SYNPO2: variants seen among roughly 807,000 people sequenced by gnomAD.
SYNPO2 encodes synaptopodin-2.
Under a neutral mutation model 85.0 loss-of-function variants are expected in SYNPO2, and 56 were observed. That is an observed-to-expected ratio of 0.66 (90% CI 0.53 to 0.82). The LOEUF is 0.82. SYNPO2 is among the 40% of genes least tolerant of loss of function. The pLI is 0.00. For synonymous variants in SYNPO2, 602 were observed against 591.1 expected (o/e 1.02, Z -0.27); for missense variants, 1,575 against 1,534.2 (o/e 1.03, Z -0.44).
rs372391790 is a variant in SYNPO2 at position 119,044,114 on chromosome 4, T to G, written c.3252+12087T>G. Among the ~76,000 whole-genome samples, 19 of 152,314 alleles carry G rather than the reference T, an allele frequency of 1.2e-4. No homozygotes were observed. In the South Asian group the frequency reaches 3.7e-3, roughly 30 times the overall value. On this transcript the variant is annotated intron_variant, in intron 4 of 4. Transcript: ENST00000307142. ...AGTGATTAATGACAGACTACAACTA[T>G]ATCTGGAATTAGTGTTTTCAATGGA...
At chr4:119,012,318 G>A (rs192592896) in intron 1 of SYNPO2, among the ~76,000 whole-genome samples, 44 of 151,024 alleles carry the variant, frequency 2.9e-4, no homozygotes, top group Admixed American at 2.6e-3. Context: ...AGCCTGAATT[G>A]GTTGTTGGTT....
intron 1 of SYNPO2, among the ~76,000 whole-genome samples, chr4:118,948,036 T>G (rs1734564241): frequency 6.6e-6 from 1 of 152,172 alleles, no homozygotes; most frequent in South Asian, 2.1e-4. Flanking sequence ...TTTGGTTAGT[T>G]AATTTGGTTA....
chr4:118,968,442 C>T (rs1488527275), intron 1 of SYNPO2, among the ~76,000 whole-genome samples: 1 of 152,144 alleles, frequency 6.6e-6, no homozygotes, highest in Non-Finnish European at 1.5e-5. Flanking sequence ...TCAGCCACTC[C>T]TGAGCTCCAG....
At chr4:118,871,578 T>TTC (rs1273477317) in intron 1 of SYNPO2, among the ~76,000 whole-genome samples, 1 of 151,364 alleles carries the variant, frequency 6.6e-6, no homozygotes, top group East Asian at 1.9e-4. Context: ...ACAATTTTTT[T>TTC]TTTTTTTTGA....
At chr4:118,999,080 G>A (rs568055341) in intron 1 of SYNPO2, among the ~76,000 whole-genome samples, 18 of 152,316 alleles carry the variant, frequency 1.2e-4, no homozygotes, top group Admixed American at 9.2e-4. Context: ...GGGTTATTGT[G>A]AGGATTAGAG....
Position 118,880,169 on chromosome 4 carries a change from A to G in SYNPO2, c.12+29229A>G, listed in dbSNP as rs372193009. Among the ~76,000 whole-genome samples, 356 of 152,348 alleles carry G rather than the reference A, an allele frequency of 2.3e-3. 2 individuals are homozygous for G. The highest frequency in any genetic ancestry group is 7.5e-3 in the African/African-American group (311 of 41,574). ...CTGGCTACTTGCTCGGAATAAGAAG[A>G]AGGAGAAAATCTGAAGGACCAACAA... is the stretch of plus-strand genomic sequence containing the variant. On this transcript the variant is annotated intron_variant, in intron 1 of 4. Coordinates refer to the SYNPO2 transcript ENST00000610556.
intron 1 of SYNPO2, among the ~76,000 whole-genome samples, chr4:118,967,094 T>C (rs1735343297): frequency 6.6e-6 from 1 of 152,170 alleles, no homozygotes; most frequent in South Asian, 2.1e-4. Context: ...AACAACCTTA[T>C]AACACAGGAG....
chr4:118,868,833 G>A lies in SYNPO2; in HGVS notation c.12+17893G>A, dbSNP rs1731748627. 2.0e-5 allele frequency among the ~76,000 whole-genome samples: 3 copies of A among 152,158 alleles called. No individual in the cohort carries two copies. The South Asian group carries it at 6.2e-4, about 32-fold the overall frequency. On this transcript the variant is annotated intron_variant, in intron 1 of 4. Transcript: ENST00000610556. ...AAAACAAACTACAGGAAAATACCCT[G>A]AATATGTTGCTAGGAAAATGGCCTA...
intron 1 of SYNPO2, among the ~76,000 whole-genome samples, chr4:118,958,619 G>A (rs1734963442): frequency 7.0e-6 from 1 of 142,470 alleles, no homozygotes; most frequent in Admixed American, 6.9e-5. Flanking sequence ...ATGGGATGAT[G>A]ATCCTGAGTA....
intron 1 of SYNPO2, among the ~76,000 whole-genome samples, chr4:118,998,369 C>T (rs1736694291): frequency 6.6e-6 from 1 of 152,080 alleles, no homozygotes; most frequent in Admixed American, 6.6e-5. Context: ...ATTATATTAT[C>T]GTGTAATATC....
At chr4:119,043,522 A>G (rs934199775) in intron 4 of SYNPO2, 9 of 152,360 alleles carry the variant, frequency 5.9e-5, no homozygotes, top group Admixed American at 2.0e-4. Flanking sequence ...AGAAGTCAGG[A>G]GAATACTAAA....
At chr4:119,038,657 T>A in intron 4 of SYNPO2, 1 of 784,652 alleles carries the variant, frequency 1.3e-6, no homozygotes, top group Non-Finnish European at 1.5e-6. Flanking sequence ...AGAATAATTC[T>A]AAACAGAATA....
intron 1 of SYNPO2, among the ~76,000 whole-genome samples, chr4:118,911,187 G>A (rs1733124145): frequency 6.6e-6 from 1 of 152,046 alleles, no homozygotes; most frequent in African/African-American, 2.4e-5. Flanking sequence ...AAAATTTTTG[G>A]TTTAAGAAAA....
chr4:118,938,342 AT>A (rs1441505870), intron 1 of SYNPO2, among the ~76,000 whole-genome samples: 1 of 151,994 alleles, frequency 6.6e-6, no homozygotes, highest in African/African-American at 2.4e-5. Context: ...ACATATGTAT[AT>A]TTATATATAT....
intron 1 of SYNPO2, among the ~76,000 whole-genome samples, chr4:118,878,857 C>T (rs773429820): frequency 1.3e-5 from 2 of 152,206 alleles, no homozygotes; most frequent in Non-Finnish European, 2.9e-5. Flanking sequence ...AGCAGAGGCA[C>T]CCACTCAGGT....
At chr4:118,946,735 C>T (rs1159874710) in intron 1 of SYNPO2, among the ~76,000 whole-genome samples, 1 of 152,102 alleles carries the variant, frequency 6.6e-6, no homozygotes, top group Non-Finnish European at 1.5e-5. Context: ...ACTTTAGTCT[C>T]CTTATAATTT....
At chr4:119,036,897 A>G (rs1226572747) in intron 4 of SYNPO2, 2 of 1,182,032 alleles carry the variant, frequency 1.7e-6, no homozygotes, top group Non-Finnish European at 2.1e-6. Flanking sequence ...TGATTTTATC[A>G]AAGGTTTGCC....
intron 1 of SYNPO2, among the ~76,000 whole-genome samples, chr4:118,854,961 G>A (rs1731479264): frequency 6.6e-6 from 1 of 152,026 alleles, no homozygotes; most frequent in Admixed American, 6.5e-5. Context: ...TGTAAATGGA[G>A]CTAAGTGTTA....
intron 1 of SYNPO2, among the ~76,000 whole-genome samples, chr4:118,923,696 G>A (rs2162398): frequency 0.86 from 130,471 of 152,064 alleles, 56,049 homozygotes; most frequent in Middle Eastern, 0.94. Flanking sequence ...CTTCTAGAAT[G>A]TAGATCCTGG....
Sources: gnomAD v4.1 joint callset for allele counts (sites outside exome capture counted in the v4.1 genomes callset) on GRCh38, gnomAD v4.1.1 for gene constraint, MANE v1.5 for transcripts, NCBI Gene and HGNC (gene_info 2026-07-23, HGNC 2026-07-21) for gene names.